Variants in SEL1L3 observed in about 807,000 individuals in gnomAD.
The protein encoded by SEL1L3 is SEL1L family member 3, also known as protein sel-1 homolog 3.
Under a neutral mutation model 142.8 loss-of-function variants are expected in SEL1L3, and 76 were observed. That is an observed-to-expected ratio of 0.53 (90% confidence interval 0.44 to 0.64). The LOEUF (loss-of-function observed/expected upper bound fraction) is 0.64, where lower values mean the gene tolerates loss of function less well. Among genes scored for constraint, SEL1L3 ranks in the 30% least tolerant of loss-of-function variants. The pLI is 0.00. For missense variants in SEL1L3, 1,262 were observed against 1,381.7 expected (o/e 0.91, Z 1.37); for synonymous variants, 504 against 519.6 (o/e 0.97, Z 0.41).
intron 23 of SEL1L3, among the ~76,000 whole-genome samples, chr4:25,753,226 A>T (rs1717716508): frequency 6.6e-6 from 1 of 152,234 alleles, no homozygotes; most frequent in South Asian, 2.1e-4. Context: ...GAGGAAAATG[A>T]AGGTAGTTGG....
rs1718213743 is a variant in SEL1L3, at chr4:25,759,231, T to C, written c.2956-163A>G. On this transcript the variant is annotated intron_variant, in intron 20 of 23. Transcript: ENST00000399878. ...TTGATGAATTGTTTCCCTAAATATA[T>C]GCATCTGAGAAATTTATTTGCAGGA... 5.3e-5 allele frequency: 36 copies of C among 678,196 alleles called. No homozygotes were observed. The South Asian group carries it at 7.2e-4, about 13-fold the overall frequency. The allele number at this position is 678,196 out of a possible 1,614,324, so 42.0% of individuals were successfully genotyped here.
At chr4:25,811,748 GTTTTTT>G (rs60024973) in intron 9 of SEL1L3, among the ~76,000 whole-genome samples, 1 of 121,614 alleles carries the variant, frequency 8.2e-6, no homozygotes, top group African/African-American at 3.0e-5. Flanking sequence ...TTCTTTTCCT[GTTTTTT>G]TTTTTTTTTT....
intron 1 of SEL1L3, among the ~76,000 whole-genome samples, chr4:25,856,760 CTTCTT>C (rs1717292706): frequency 6.6e-6 from 1 of 152,162 alleles, no homozygotes; most frequent in African/African-American, 2.4e-5. Flanking sequence ...ATGACCTAAA[CTTCTT>C]TTAGGATAAC....
intron 17 of SEL1L3, among the ~76,000 whole-genome samples, chr4:25,772,497 C>A (rs1040502037): frequency 6.6e-6 from 1 of 152,030 alleles, no homozygotes; most frequent in Non-Finnish European, 1.5e-5. Flanking sequence ...TCTAGGGCGA[C>A]TCTTTCTATT....
intron 6 of SEL1L3, among the ~76,000 whole-genome samples, chr4:25,825,750 C>G (rs1205841050): frequency 7.1e-6 from 1 of 140,080 alleles, no homozygotes; most frequent in African/African-American, 2.7e-5. Flanking sequence ...TCTCAGCTCA[C>G]TGCAACCTCT....
intron 11 of SEL1L3, among the ~76,000 whole-genome samples, chr4:25,793,065 T>C (rs1712463286): frequency 6.6e-6 from 1 of 152,198 alleles, no homozygotes; most frequent in Non-Finnish European, 1.5e-5. Context: ...CTTTGCAACC[T>C]GATAAGACAG....
intron 9 of SEL1L3, among the ~76,000 whole-genome samples, chr4:25,817,705 A>G (rs1001654186): frequency 6.6e-6 from 1 of 152,198 alleles, no homozygotes; most frequent in Non-Finnish European, 1.5e-5. Context: ...TTGCTGCCAC[A>G]TAGGAGAAAG....
At chr4:25,757,483 C>T in intron 23 of SEL1L3, 51 bp downstream of exon 23, 2 of 1,068,056 alleles carry the variant, frequency 1.9e-6, no homozygotes, top group Non-Finnish European at 2.6e-6. Context: ...AAAAAAAATC[C>T]CTGCTTTTTT....
At chr4:25,808,357 T>C (rs972924202) in intron 9 of SEL1L3, among the ~76,000 whole-genome samples, 1 of 152,218 alleles carries the variant, frequency 6.6e-6, no homozygotes, top group African/African-American at 2.4e-5. Flanking sequence ...CCCAGAATCA[T>C]TTATTTTGCT....
chr4:25,735,826 C>CTTT, the SEL1L3 span, among the ~76,000 whole-genome samples: 82 of 101,590 alleles, frequency 8.1e-4, no homozygotes, highest in Non-Finnish European at 1.0e-3. Context: ...TCTAACTATT[C>CTTT]TTTTTTTTTT....
At chr4:25,767,683 C>T in intron 18 of SEL1L3, 57 bp downstream of exon 18, 4 of 1,478,410 alleles carry the variant, frequency 2.7e-6, no homozygotes, top group Non-Finnish European at 3.7e-6. Flanking sequence ...TCCATAAAAC[C>T]CAATTCATTA....
At chr4:25,714,505 TTTCTTTCTTTCTTTCTTTC>T in the SEL1L3 span, among the ~76,000 whole-genome samples, 1 of 35,254 alleles carries the variant, frequency 2.8e-5, no homozygotes, top group East Asian at 6.1e-4. Context: ...TTTCTTTTTC[TTTCTTTCTTTCTTTCTTTC>T]TTTCTTTCTT....
At chr4:25,774,718 C>T (rs1196284899) in intron 17 of SEL1L3, among the ~76,000 whole-genome samples, 4 of 152,208 alleles carry the variant, frequency 2.6e-5, no homozygotes, top group South Asian at 2.1e-4. Flanking sequence ...ATTATCTGGG[C>T]GTGGTGGTGG....
At chr4:25,820,839 C>T (rs933010784) in intron 7 of SEL1L3, among the ~76,000 whole-genome samples, 5 of 152,010 alleles carry the variant, frequency 3.3e-5, no homozygotes, top group Non-Finnish European at 7.4e-5. Flanking sequence ...GCAGTGCAGT[C>T]GCACAATCTT....
chr4:25,718,618 G>A, the SEL1L3 span: 3 of 152,162 alleles, frequency 2.0e-5, no homozygotes, highest in Non-Finnish European at 4.4e-5. Flanking sequence ...GTTTATCGTA[G>A]ACAAACAGAG....
At chr4:25,752,401 G>C (rs538775139) in intron 23 of SEL1L3, among the ~76,000 whole-genome samples, 82 of 147,214 alleles carry the variant, frequency 5.6e-4, no homozygotes, top group African/African-American at 2.0e-3. Flanking sequence ...TGGGCAATAG[G>C]GTGAGACTCC....
At chr4:25,736,213 T>TTTTGTGTGTGTGTGTGTG in the SEL1L3 span, among the ~76,000 whole-genome samples, 2 of 130,592 alleles carry the variant, frequency 1.5e-5, no homozygotes, top group African/African-American at 6.0e-5. Flanking sequence ...TGCCATAAGA[T>TTTTGTGTGTGTGTGTGTG]TGTGTGTCTG....
In SEL1L3 at chr4:25,862,786, TTGC is replaced by T. The variant is rs1370347220; in HGVS notation, c.48_50del (p.Gln17del). On this transcript the variant is annotated inframe_deletion, in exon 1 of 24. Coordinates refer to ENST00000399878, the MANE Select transcript of SEL1L3 (RefSeq NM_015187.5). ...GGGGGCCGACCGCGAGCGGCGGGGG[TTGC>T]TGCTGCTGCTGCCGCGGCCACCCGA... 1.7e-5 allele frequency: 20 copies of T among 1,186,310 alleles called. No homozygotes were observed. Among genetic ancestry groups the T allele is most frequent in the Non-Finnish European group, 1.9e-5 (18 of 960,062 alleles). The allele number at this position is 1,186,310 out of a possible 1,614,324, so 73.5% of individuals were successfully genotyped here.
Position 25,779,290 on chromosome 4 carries a change from A to G in SEL1L3, c.2458-87T>C, listed in dbSNP as rs576018458. On this transcript the variant is annotated intron_variant, in intron 15 of 23. Coordinates refer to ENST00000399878, the MANE Select transcript of SEL1L3 (RefSeq NM_015187.5). ...GGTGATGAGATGCTTTAAGCCTGATATGATTACAGGCTTATAACTTCTGAT... is the reference window on the plus strand; with the variant it reads ...GGTGATGAGATGCTTTAAGCCTGATGTGATTACAGGCTTATAACTTCTGAT... The G allele has an allele frequency of 1.8e-4, 267 of 1,462,848 alleles. 1 individual carries two copies. The highest frequency in any genetic ancestry group is 6.6e-4 in the Admixed American group (36 of 54,768). 90.6% of individuals were successfully genotyped at this position (1,462,848 alleles called of 1,614,324 possible). A position where few individuals can be genotyped will look rare whatever the true frequency, so the allele number is the denominator to read the frequency against.
Sources: gnomAD v4.1 joint callset for allele counts (sites outside exome capture counted in the v4.1 genomes callset) on GRCh38, gnomAD v4.1.1 for gene constraint, MANE v1.5 for transcripts, NCBI Gene and HGNC (gene_info 2026-07-23, HGNC 2026-07-21) for gene names.